ZNF219: variants seen among roughly 807,000 people sequenced by gnomAD.
The protein encoded by ZNF219 is zinc finger protein 219.
In ZNF219, 17 loss-of-function variants were observed where a neutral mutation model predicts 54.4. The ratio of observed to expected loss-of-function variants is 0.31; its 90% CI spans 0.21 to 0.47. ZNF219 has a LOEUF of 0.47. ZNF219 is among the 20% of genes least tolerant of loss of function. The pLI is 1.00. For synonymous variants in ZNF219, 518 were observed against 476.4 expected (o/e 1.09, Z -1.14); for missense variants, 1,014 against 1,062.3 (o/e 0.95, Z 0.63).
upstream of ZNF219, chr14:21,102,299 G>A: frequency 2.1e-6 from 3 of 1,449,154 alleles, no homozygotes; most frequent in South Asian, 1.3e-5. Context: ...CCTGTTTGGA[G>A]GCTGAGAAGC....
intron 1 of ZNF219, among the ~76,000 whole-genome samples, chr14:21,095,750 G>A (rs899620216): frequency 3.3e-5 from 5 of 151,142 alleles, no homozygotes; most frequent in African/African-American, 9.7e-5. Context: ...TTTTTTTTTC[G>A]TTCCTATCTG....
rs753753740 is a variant in ZNF219, at chr14:21,090,966, G to T, written c.1739C>A (p.Pro580Gln). ...CACCCAGGTCGCAGGCTGCGGAGAC[G>T]GCTTGGCTCCAGATTGCGGGGCCGA... ...RGSAPQSGAK[P>Q]SPQPATWVEG... Residue 580 changes from proline to glutamine, a missense_variant, in exon 5 of 5, where the codon CCG becomes CAG. Pro to Gln is a moderately conservative substitution (Grantham distance 76). This residue lies in a region of ZNF219 where 281 missense variants were observed against 271.2 expected (regional missense o/e 1.04). Transcript: ENST00000360947. The surrounding 1 kb of genome is among the most constrained non-coding windows in gnomAD (Gnocchi z 4.4). 17 of 1,552,072 alleles carry T rather than the reference G, an allele frequency of 1.1e-5. No homozygotes were observed. The East Asian group carries it at 4.0e-4, about 37-fold the overall frequency.
chr14:21,099,645 A>T (rs1035623573), upstream of ZNF219, among the ~76,000 whole-genome samples: 1 of 152,240 alleles, frequency 6.6e-6, no homozygotes, highest in Admixed American at 6.5e-5. Context: ...ATCGTCAACA[A>T]CAAGAAATAA....
At chr14:21,094,027 T>A (rs549023120) in intron 1 of ZNF219, among the ~76,000 whole-genome samples, 1 of 152,294 alleles carries the variant, frequency 6.6e-6, no homozygotes, top group East Asian at 1.9e-4. Context: ...GAGGTGGGCT[T>A]GCCATGCTCC....
At chr14:21,101,508 TTCCA>T (rs891442451), upstream of ZNF219, 267 of 1,454,506 alleles carry the variant, frequency 1.8e-4, no homozygotes, top group Non-Finnish European at 2.2e-4. Context: ...CCCAATTCAA[TTCCA>T]TCCATCCATC....
At chr14:21,104,433 C>T (rs954928662) in intron 1 of ZNF219, 4 of 152,310 alleles carry the variant, frequency 2.6e-5, no homozygotes, top group Non-Finnish European at 4.4e-5. Flanking sequence ...GGGAGTCCCA[C>T]TAGCAGCAGC....
chr14:21,099,671 T>A (rs1566555981), upstream of ZNF219, among the ~76,000 whole-genome samples: 1 of 152,228 alleles, frequency 6.6e-6, no homozygotes, highest in Non-Finnish European at 1.5e-5. Context: ...GTGATGATGA[T>A]CATAGCCACT....
intron 1 of ZNF219, among the ~76,000 whole-genome samples, chr14:21,096,035 G>C (rs1046737156): frequency 6.7e-6 from 1 of 150,348 alleles, no homozygotes; most frequent in Non-Finnish European, 1.5e-5. Context: ...TGGTGGAGGC[G>C]TGGGGCGGGG....
At chr14:21,101,858 C>T, upstream of ZNF219, 1 of 1,550,600 alleles carries the variant, frequency 6.4e-7, no homozygotes, top group South Asian at 1.2e-5. Flanking sequence ...CCTACCCTTA[C>T]CCCCAGGTGA....
At chr14:21,102,606 T>A (rs147177269), upstream of ZNF219, 12,387 of 1,551,102 alleles carry the variant, frequency 8.0e-3, 66 homozygotes, top group Non-Finnish European at 8.9e-3. Flanking sequence ...GCGGGGTCCC[T>A]GCATTCTCAG....
chr14:21,092,544 C>A lies in ZNF219; in HGVS notation c.753G>T (p.Glu251Asp). ...GGGTCGGGGTTGCCTCACGTTCGGG[C>A]TCCGGCTCCGGCTCCGGCTGGGGGA... The part of the protein sequence containing the change: ...RSVPQPEPEP[E>D]PEREATPTPA... Residue 251 changes from glutamate to aspartate, a missense_variant, in exon 3 of 5, where the codon GAG (glutamate) becomes GAT (aspartate). Coordinates refer to ENST00000360947, the MANE Select transcript of ZNF219 (RefSeq NM_016423.3). 3.2e-6 allele frequency: 5 copies of A among 1,545,866 alleles called. No individual in the cohort carries two copies. In the East Asian group the frequency reaches 9.8e-5, roughly 30 times the overall value.
At position 21,092,520 on chromosome 14, in the gene ZNF219, G is replaced by C; in HGVS notation, c.777C>G (p.Thr259=). 1 of 1,550,058 alleles carries C rather than the reference G, an allele frequency of 6.5e-7. No individual in the cohort carries two copies. The highest frequency in any genetic ancestry group is 1.4e-5 in the African/African-American group (1 of 73,186). Residue 259 remains threonine, a synonymous_variant, in exon 3 of 5, where the codon ACC becomes ACG. Transcript: ENST00000360947. ...EPEPEREATP[T]PAPAAPEEPP... is the part of the protein sequence containing the mutation. ...GCTCCTCGGGAGCGGCAGGAGCTGG[G>C]GTCGGGGTTGCCTCACGTTCGGGCT...
In ZNF219 at chr14:21,098,473, GC is replaced by G; in HGVS notation, c.-246del. ...GCCCCCGCCCCCTCCCCGGTCCCCCGCCCCCGGCCCTGGCCCGCATTGTGTG... is the reference window on the plus strand; with the variant it reads ...GCCCCCGCCCCCTCCCCGGTCCCCCGCCCCGGCCCTGGCCCGCATTGTGTG... On this transcript the variant is annotated 5_prime_UTR_variant, in exon 1 of 5. An upstream open reading frame in the 5' UTR loses its in-frame stop. Coordinates refer to ENST00000360947, the MANE Select transcript of ZNF219 (RefSeq NM_016423.3). 3 of 969,298 alleles carry G rather than the reference GC, an allele frequency of 3.1e-6. No homozygotes were observed. Among genetic ancestry groups the G allele is most frequent in the Non-Finnish European group, 2.4e-6 (2 of 817,598 alleles). The allele number at this position is 969,298 out of a possible 1,614,324, so 60.0% of individuals were successfully genotyped here. A position where few individuals can be genotyped will look rare whatever the true frequency, so the allele number is the denominator to read the frequency against.
chr14:21,101,111 T>C, upstream of ZNF219: 1 of 414,492 alleles, frequency 2.4e-6, no homozygotes, highest in East Asian at 4.8e-5. Context: ...TCGTCTGCTC[T>C]GAGCTATCAA....
In ZNF219 at chr14:21,095,186, G is replaced by A. The variant is rs981570846; in HGVS notation, c.-83-1512C>T. 3.3e-5 allele frequency among the ~76,000 whole-genome samples: 5 copies of A among 152,122 alleles called. No homozygotes were observed. In the East Asian group the frequency reaches 5.8e-4, roughly 18 times the overall value. On this transcript the variant is annotated intron_variant, in intron 1 of 4. Coordinates refer to ENST00000360947, the MANE Select transcript of ZNF219 (RefSeq NM_016423.3). ...AGGTACCTGTTACATGTGGAATCTG[G>A]GCTATAGGATTATTATTAGCAGATG...
At chr14:21,099,922 T>C (rs983631415), upstream of ZNF219, among the ~76,000 whole-genome samples, 1 of 152,178 alleles carries the variant, frequency 6.6e-6, no homozygotes, top group Non-Finnish European at 1.5e-5. Context: ...ATAACACTTT[T>C]AGTGTATGGG....
intron 1 of ZNF219, among the ~76,000 whole-genome samples, chr14:21,095,410 G>A (rs1889232624): frequency 6.6e-6 from 1 of 152,234 alleles, no homozygotes; most frequent in Non-Finnish European, 1.5e-5. Flanking sequence ...CAAGGCTATT[G>A]TAGGCCTAGT....
At chr14:21,102,517 T>C (rs1889706790), upstream of ZNF219, 4 of 1,551,658 alleles carry the variant, frequency 2.6e-6, no homozygotes, top group Non-Finnish European at 3.5e-6. Flanking sequence ...TCCTCCCAGG[T>C]ACTGGTCAAT....
upstream of ZNF219, chr14:21,102,508 C>G: frequency 6.4e-7 from 1 of 1,551,740 alleles, no homozygotes; most frequent in Non-Finnish European, 8.7e-7. Flanking sequence ...CCAACTGCCT[C>G]CTCCCAGGTA....
Sources: gnomAD v4.1 joint callset for allele counts (sites outside exome capture counted in the v4.1 genomes callset) on GRCh38, gnomAD v4.1.1 for gene constraint, gnomAD v4.1.1 regional missense constraint, Gnocchi (gnomAD v3.1) non-coding constraint, MANE v1.5 for transcripts, NCBI Gene and HGNC (gene_info 2026-07-23, HGNC 2026-07-21) for gene names.